Variants in COL4A6 observed in about 807,000 individuals in gnomAD.
The protein encoded by COL4A6 is collagen type IV alpha 6 chain.
COL4A6 carries 59 observed loss-of-function variants against 126.7 expected under a neutral mutation model. The ratio of observed to expected loss-of-function variants is 0.47; its 90% confidence interval spans 0.38 to 0.58. The LOEUF (loss-of-function observed/expected upper bound fraction) is 0.58, where lower values mean the gene tolerates loss of function less well. Ranked by LOEUF, COL4A6 falls within the 20% of genes least tolerant of loss-of-function variation. The pLI is 0.00. For synonymous variants in COL4A6, 547 were observed against 496.6 expected, an observed-to-expected ratio of 1.10 and a Z score of -1.35; for missense variants, 1,285 against 1,337.3, an observed-to-expected ratio of 0.96 and a Z score of 0.61.
intron 2 of COL4A6, among the ~76,000 whole-genome samples, chrX:108,366,804 GAGTC>G (rs1246511761): frequency 9.0e-6 from 1 of 111,713 alleles, no homozygotes; most frequent in Non-Finnish European, 1.9e-5. Flanking sequence ...GACCCTATAG[GAGTC>G]TATTGTTCCC....
chrX:108,355,898 A>T (rs769611926), intron 2 of COL4A6, among the ~76,000 whole-genome samples: 54 of 111,785 alleles, frequency 4.8e-4, no homozygotes, highest in Middle Eastern at 9.2e-3. Context: ...TTACAACCTG[A>T]CAAGGTAGAT....
intron 2 of COL4A6, among the ~76,000 whole-genome samples, chrX:108,388,484 T>C (rs1465382216): frequency 8.9e-6 from 1 of 112,124 alleles, no homozygotes; most frequent in East Asian, 2.8e-4. Flanking sequence ...TTCTTCTAGA[T>C]TTTCTAGTTT....
chrX:108,194,881 C>A (rs1254046614), intron 15 of COL4A6, among the ~76,000 whole-genome samples: 2 of 111,163 alleles, frequency 1.8e-5, no homozygotes, highest in Non-Finnish European at 3.8e-5. Flanking sequence ...CATGGCATGG[C>A]AAGGCACGGA....
At chrX:108,194,608 C>T (rs1408367416) in intron 15 of COL4A6, 21 bp from the exon 16 acceptor site, 3 of 1,190,648 alleles carry the variant, frequency 2.5e-6, no homozygotes, top group Admixed American at 2.2e-5. Flanking sequence ...AACATAGTTA[C>T]CACTAAGTGG....
chrX:108,206,514 T>C lies in COL4A6; in HGVS notation c.609+4A>G. Reference sequence around the variant, plus strand: ...ATCACAAACTAGGCTTAAATTGATCTTACTTGTAATCCTGGTGGTCCTGCA... The same window carrying C: ...ATCACAAACTAGGCTTAAATTGATCCTACTTGTAATCCTGGTGGTCCTGCA... On this transcript the variant is annotated splice_donor_region_variant and intron_variant, in intron 9 of 44. Transcript: ENST00000334504. 1 of 1,208,316 alleles carries C rather than the reference T, an allele frequency of 8.3e-7. No individual in the cohort carries two copies. Among genetic ancestry groups the C allele is most frequent in the Non-Finnish European group, 1.1e-6 (1 of 892,686 alleles).
intron 3 of COL4A6, among the ~76,000 whole-genome samples, chrX:108,280,564 T>C (rs774871194): frequency 9.0e-6 from 1 of 111,451 alleles, no homozygotes; most frequent in East Asian, 2.8e-4. Context: ...CTACCAGAGG[T>C]ACAAGGAGGA....
At chrX:108,315,012 G>C (rs142141834) in intron 2 of COL4A6, among the ~76,000 whole-genome samples, 1 of 111,909 alleles carries the variant, frequency 8.9e-6, no homozygotes, top group Non-Finnish European at 1.9e-5. Flanking sequence ...ATGCCAGTTT[G>C]TCTATAGCTG....
At chrX:108,201,312 A>C (rs1035553628) in intron 13 of COL4A6, among the ~76,000 whole-genome samples, 1 of 112,018 alleles carries the variant, frequency 8.9e-6, no homozygotes, top group Non-Finnish European at 1.9e-5. Context: ...ATCCATGAAA[A>C]TCTTGTCAGC....
At chrX:108,266,284 G>A (rs2037300741) in intron 3 of COL4A6, among the ~76,000 whole-genome samples, 1 of 111,147 alleles carries the variant, frequency 9.0e-6, no homozygotes, top group African/African-American at 3.3e-5. Flanking sequence ...TTGGTGGGAT[G>A]GGGAAATAGG....
chrX:108,187,304 T>C (rs774809185), intron 22 of COL4A6, 25 bp from the exon 23 acceptor site: 1 of 1,078,810 alleles, frequency 9.3e-7, no homozygotes, highest in East Asian at 3.2e-5. Context: ...AAACAAAGAA[T>C]GAAAATTCAA....
chrX:108,421,867 T>G (rs1023823507), intron 2 of COL4A6, among the ~76,000 whole-genome samples: 7 of 112,192 alleles, frequency 6.2e-5, no homozygotes, highest in African/African-American at 1.9e-4. Context: ...TTTTACTTCT[T>G]AAGCTGGGTG....
At chrX:108,191,123 A>G (rs1436192755) in intron 19 of COL4A6, among the ~76,000 whole-genome samples, 2 of 112,128 alleles carry the variant, frequency 1.8e-5, no homozygotes, top group African/African-American at 6.5e-5. Flanking sequence ...AGAACAGTGA[A>G]AGATGGAGTG....
At chrX:108,315,398 C>T (rs1315360032) in intron 2 of COL4A6, among the ~76,000 whole-genome samples, 1 of 111,562 alleles carries the variant, frequency 9.0e-6, no homozygotes, top group African/African-American at 3.3e-5. Context: ...TGCCACCACA[C>T]CCAGCTAATT....
intron 3 of COL4A6, among the ~76,000 whole-genome samples, chrX:108,270,400 T>C (rs917565651): frequency 8.0e-5 from 9 of 112,815 alleles, no homozygotes; most frequent in African/African-American, 1.3e-4. Flanking sequence ...TTCTATGTTT[T>C]TGTTTGCTCT....
intron 2 of COL4A6, among the ~76,000 whole-genome samples, chrX:108,414,972 C>T (rs2041408257): frequency 9.0e-6 from 1 of 111,482 alleles, no homozygotes; most frequent in Non-Finnish European, 1.9e-5. Flanking sequence ...CCAGAGCAGT[C>T]ATAGTACAAT....
intron 3 of COL4A6, among the ~76,000 whole-genome samples, chrX:108,238,651 T>A (rs1004085324): frequency 9.2e-6 from 1 of 108,683 alleles, no homozygotes; most frequent in African/African-American, 3.4e-5. Flanking sequence ...AAACAAATGA[T>A]TCTGTGAAAA....
chrX:108,196,356 T>C (rs2035213581), intron 14 of COL4A6, among the ~76,000 whole-genome samples, 155 bp downstream of exon 14: 1 of 110,893 alleles, frequency 9.0e-6, no homozygotes, highest in Admixed American at 9.6e-5. Context: ...GGAATGGGGC[T>C]AAGAGAGAAG....
chrX:108,172,365 G>GAAAA (rs397935341), intron 32 of COL4A6, 104 bp downstream of exon 32: 273 of 110,673 alleles, frequency 2.5e-3, no homozygotes, highest in Non-Finnish European at 2.9e-3. Flanking sequence ...GCCTAAAAAA[G>GAAAA]AAAAAAAAAA....
At position 108,221,276 on chromosome X, in the gene COL4A6, T is replaced by G; in HGVS notation, c.243A>C (p.Pro81=). ...LSGLKGERGF[P]GLLGPYGPKG... ...TTGGTCCATAAGGTCCCAGAAGGCC[T>G]GGGAAACCCCTTTCTCCTTTCAATC... is the stretch of plus-strand genomic sequence containing the variant. The change falls in exon 4 of 45, where the codon CCA becomes CCC. Residue 81 remains proline, a synonymous_variant. Coordinates refer to ENST00000334504, the MANE Select transcript of COL4A6 (RefSeq NM_033641.4). 8.3e-7 allele frequency: 1 copy of G among 1,211,683 alleles called. No individual in the cohort carries two copies. The highest frequency in any genetic ancestry group is 1.1e-6 in the Non-Finnish European group (1 of 895,252).
Sources: gnomAD v4.1 joint callset for allele counts (sites outside exome capture counted in the v4.1 genomes callset) on GRCh38, gnomAD v4.1.1 for gene constraint, MANE v1.5 for transcripts, NCBI Gene and HGNC (gene_info 2026-07-23, HGNC 2026-07-21) for gene names.